The following HCN1 variants were observed in gnomAD, a reference collection of about 807,000 sequenced individuals.
HCN1 encodes the protein hyperpolarization activated cyclic nucleotide gated potassium channel 1.
HCN1 carries 13 observed loss-of-function variants against 78.9 expected under a neutral mutation model. That is an observed-to-expected ratio of 0.16 (90% CI 0.11 to 0.26). The LOEUF is 0.26. HCN1 is among the 10% of genes least tolerant of loss of function. The pLI is 1.00. For missense variants in HCN1, 810 were observed against 1,154.3 expected, an observed-to-expected ratio of 0.70 and a Z score of 4.32; for synonymous variants, 552 against 455.5, an observed-to-expected ratio of 1.21 and a Z score of -2.70.
intron 2 of HCN1, chr5:45,643,012 T>C (rs1429653739): frequency 6.6e-6 from 1 of 152,168 alleles, no homozygotes; most frequent in Non-Finnish European, 1.5e-5. Context: ...AAGAAACATG[T>C]TGCCAACCCA....
At chr5:45,342,091 A>G (rs1233817117) in intron 5 of HCN1, among the ~76,000 whole-genome samples, 1 of 152,200 alleles carries the variant, frequency 6.6e-6, no homozygotes, top group African/African-American at 2.4e-5. Context: ...GGGATGAACA[A>G]CATGGCTCGT....
chr5:45,548,461 C>G (rs943156168), intron 2 of HCN1, among the ~76,000 whole-genome samples: 1 of 151,964 alleles, frequency 6.6e-6, no homozygotes, highest in African/African-American at 2.4e-5. Flanking sequence ...ATGCTAAAAA[C>G]TCTCAATAAA....
chr5:45,274,427 A>G (rs1745014430), intron 6 of HCN1, among the ~76,000 whole-genome samples: 1 of 152,192 alleles, frequency 6.6e-6, no homozygotes, highest in Non-Finnish European at 1.5e-5. Context: ...CAGACAAGCT[A>G]TGTGTTAGCA....
chr5:45,505,213 T>A (rs1283336043), intron 2 of HCN1, among the ~76,000 whole-genome samples: 1 of 152,124 alleles, frequency 6.6e-6, no homozygotes, highest in African/African-American at 2.4e-5. Flanking sequence ...TAGGTTTTCT[T>A]CTAGGGTTTT....
chr5:45,517,096 C>T (rs1742528879), intron 2 of HCN1, among the ~76,000 whole-genome samples: 3 of 151,886 alleles, frequency 2.0e-5, no homozygotes, highest in African/African-American at 7.2e-5. Flanking sequence ...TTGACATATT[C>T]TGAAGGCTTT....
chr5:45,528,542 A>G (rs1169379914), intron 2 of HCN1, among the ~76,000 whole-genome samples: 1 of 151,966 alleles, frequency 6.6e-6, no homozygotes, highest in Non-Finnish European at 1.5e-5. Context: ...AGCAGACCTC[A>G]TTATACCAGT....
At chr5:45,474,720 T>C (rs1269381575) in intron 2 of HCN1, among the ~76,000 whole-genome samples, 3 of 151,944 alleles carry the variant, frequency 2.0e-5, no homozygotes, top group Non-Finnish European at 4.4e-5. Flanking sequence ...GTAATTTTAC[T>C]TGAAAAAGGT....
intron 2 of HCN1, among the ~76,000 whole-genome samples, chr5:45,593,367 CA>C (rs1363384819): frequency 2.8e-4 from 42 of 151,590 alleles, no homozygotes; most frequent in Middle Eastern, 6.8e-3. Context: ...CACACACACA[CA>C]CACCCCACAT....
intron 2 of HCN1, among the ~76,000 whole-genome samples, chr5:45,577,593 C>G (rs1167237615): frequency 4.0e-5 from 6 of 151,830 alleles, no homozygotes; most frequent in Admixed American, 2.6e-4. Flanking sequence ...CATTTGGCCT[C>G]CAGTCCTTAA....
rs1374655408 is a variant in HCN1, at chr5:45,396,640, T to A, written c.1082A>T (p.Tyr361Phe). ...CATGCTGACTGGGGCTTGGGCTCCA[T>A]ACCCAATGCACAGCATGTGACTCAT... ...KAMSHMLCIG[Y>F]GAQAPVSMSD... Residue 361 changes from tyrosine (Y) to phenylalanine (F), a missense_variant, in exon 4 of 8, where the codon TAT (tyrosine) becomes TTT (phenylalanine). Coordinates refer to ENST00000303230, the MANE Select transcript of HCN1 (RefSeq NM_021072.4). The A allele has an allele frequency of 6.2e-7, 1 of 1,613,752 alleles. No homozygotes were observed. Among genetic ancestry groups the A allele is most frequent in the Non-Finnish European group, 8.5e-7 (1 of 1,179,862 alleles).
intron 2 of HCN1, among the ~76,000 whole-genome samples, chr5:45,572,673 G>A (rs1465141403): frequency 6.6e-6 from 1 of 152,102 alleles, no homozygotes; most frequent in Non-Finnish European, 1.5e-5. Flanking sequence ...ATACATAAAA[G>A]ATTGGTGATA....
intron 2 of HCN1, among the ~76,000 whole-genome samples, chr5:45,546,139 TA>T (rs1159804003): frequency 6.6e-6 from 1 of 151,984 alleles, no homozygotes; most frequent in Non-Finnish European, 1.5e-5. Flanking sequence ...AGTATCTTCT[TA>T]AAGCTCAACA....
chr5:45,290,566 TG>T (rs1165750097), intron 6 of HCN1, among the ~76,000 whole-genome samples: 1 of 151,980 alleles, frequency 6.6e-6, no homozygotes, highest in African/African-American at 2.4e-5. Context: ...GTTTAAAAAT[TG>T]TAAAAAAAAG....
chr5:45,486,872 T>G (rs960420059), intron 2 of HCN1, among the ~76,000 whole-genome samples: 1 of 152,122 alleles, frequency 6.6e-6, no homozygotes, highest in African/African-American at 2.4e-5. Context: ...TCTTCAAATA[T>G]GAAGTCAATA....
At chr5:45,568,889 A>G (rs1362989755) in intron 2 of HCN1, among the ~76,000 whole-genome samples, 1 of 152,124 alleles carries the variant, frequency 6.6e-6, no homozygotes, top group Non-Finnish European at 1.5e-5. Flanking sequence ...AGAAGTTGAA[A>G]GGTCTCTGAT....
intron 3 of HCN1, among the ~76,000 whole-genome samples, chr5:45,444,412 C>T (rs1415884802): frequency 6.6e-6 from 1 of 152,046 alleles, no homozygotes; most frequent in African/African-American, 2.4e-5. Flanking sequence ...GTATTTGGCA[C>T]CAAAATTCAA....
chr5:45,671,079 C>G (rs1252376114), intron 1 of HCN1, among the ~76,000 whole-genome samples: 1 of 151,584 alleles, frequency 6.6e-6, no homozygotes, highest in East Asian at 1.9e-4. Flanking sequence ...AATCAGTAAA[C>G]TCAAATAAAT....
At chr5:45,498,741 T>C (rs1351462708) in intron 2 of HCN1, among the ~76,000 whole-genome samples, 1 of 152,156 alleles carries the variant, frequency 6.6e-6, no homozygotes, top group Admixed American at 6.5e-5. Context: ...TTGATGATGG[T>C]GATGTACAGA....
chr5:45,428,807 A>G (rs890455151), intron 3 of HCN1, among the ~76,000 whole-genome samples: 3 of 152,114 alleles, frequency 2.0e-5, no homozygotes, highest in Admixed American at 1.3e-4. Context: ...TGAAATAGCA[A>G]GGAAAGGATA....
Sources: gnomAD v4.1 joint callset for allele counts (sites outside exome capture counted in the v4.1 genomes callset) on GRCh38, gnomAD v4.1.1 for gene constraint, MANE v1.5 for transcripts, NCBI Gene and HGNC (gene_info 2026-07-23, HGNC 2026-07-21) for gene names.